COX6C: variants seen among roughly 807,000 people sequenced by gnomAD.
The protein encoded by COX6C is cytochrome c oxidase polypeptide VIc.
In COX6C, 3 loss-of-function variants were observed where a neutral mutation model predicts 6.9. The ratio of observed to expected loss-of-function variants is 0.43; its 90% CI spans 0.20 to 1.12. COX6C has a LOEUF of 1.12. Among genes scored for constraint, COX6C ranks in the 50% most tolerant of loss-of-function variants. The pLI, the probability that COX6C is intolerant of heterozygous loss-of-function variation, is 0.27. For synonymous variants in COX6C, 32 were observed against 32.0 expected, an observed-to-expected ratio of 1.00 and a Z score of 0.00; for missense variants, 101 against 97.3, an observed-to-expected ratio of 1.04 and a Z score of -0.16.
At chr8:99,879,317 TA>T (rs1439092678) in intron 3 of COX6C, among the ~76,000 whole-genome samples, 2 of 152,348 alleles carry the variant, frequency 1.3e-5, no homozygotes, top group East Asian at 3.9e-4. Flanking sequence ...GAAAGACAGC[TA>T]GTCACTCGTG....
intron 3 of COX6C, among the ~76,000 whole-genome samples, chr8:99,880,345 C>G (rs1056940677): frequency 2.6e-5 from 4 of 152,154 alleles, no homozygotes; most frequent in Non-Finnish European, 5.9e-5. Context: ...CTAAAAAATG[C>G]TCAATGAGCT....
intron 3 of COX6C, among the ~76,000 whole-genome samples, chr8:99,881,492 A>G (rs1339234962): frequency 6.6e-6 from 1 of 152,236 alleles, no homozygotes; most frequent in Non-Finnish European, 1.5e-5. Flanking sequence ...ATAATGTGTG[A>G]TATCAGTAAC....
At chr8:99,886,382 C>T (rs1817943208) in intron 3 of COX6C, 1 of 151,568 alleles carries the variant, frequency 6.6e-6, no homozygotes, top group Non-Finnish European at 1.5e-5. Flanking sequence ...AGAGGGAGAC[C>T]CTGTTAAAAA....
At chr8:99,889,286 G>A (rs1817996513) in intron 2 of COX6C, among the ~76,000 whole-genome samples, 1 of 149,658 alleles carries the variant, frequency 6.7e-6, no homozygotes, top group Non-Finnish European at 1.5e-5. Flanking sequence ...TGCTCTCCCA[G>A]TTCTCCCTAA....
At chr8:99,885,615 T>C (rs1418927426) in intron 3 of COX6C, among the ~76,000 whole-genome samples, 1 of 152,168 alleles carries the variant, frequency 6.6e-6, no homozygotes, top group Non-Finnish European at 1.5e-5. Flanking sequence ...AAGAATACAG[T>C]TGGATCTTTA....
chr8:99,887,584 G>C lies in COX6C; in HGVS notation c.149C>G (p.Ala50Gly), dbSNP rs758244203. 6.2e-7 allele frequency: 1 copy of C among 1,607,544 alleles called. No individual in the cohort carries two copies. The highest frequency in any genetic ancestry group is 8.5e-7 in the Non-Finnish European group (1 of 1,178,208). Residue 50 changes from alanine to glycine, a missense_variant, in exon 3 of 4, where the codon GCA becomes GGA. Ala to Gly is a moderately conservative substitution (Grantham distance 60, BLOSUM62 0). Transcript: ENST00000520468. ...RVADQRKKAY[A>G]DFYRNYDVMK... ...GACATCGTAGTTTCTGTAGAAATCT[G>C]CGTATGCCTTCTTTCTTTGATCAGC...
At chr8:99,880,053 T>G (rs1817837793) in intron 3 of COX6C, among the ~76,000 whole-genome samples, 1 of 152,124 alleles carries the variant, frequency 6.6e-6, no homozygotes, top group African/African-American at 2.4e-5. Context: ...AAACTAAAAC[T>G]AATGCATATG....
Position 99,892,006 on chromosome 8 carries a change from A to C in COX6C, c.16T>G (p.Leu6Val). The part of the protein sequence containing the change: MAPEV[L>V]PKPRMRGLLA... ...AGGCCACGCATCCGAGGTTTTGGCA[A>C]AACTTCGGGAGCCATGGTAGTTACT... The change falls in exon 2 of 4, where the codon TTG (leucine) becomes GTG (valine). Residue 6 changes from leucine to valine, a missense_variant. Physicochemically the swap from Leu to Val is conservative, Grantham distance 32. Transcript: ENST00000520468. The C allele has an allele frequency of 6.2e-7, 1 of 1,612,540 alleles. No homozygotes were observed. The highest frequency in any genetic ancestry group is 1.1e-5 in the South Asian group (1 of 90,732).
intron 3 of COX6C, among the ~76,000 whole-genome samples, chr8:99,885,520 C>CA (rs755072050): frequency 3.4e-4 from 51 of 152,166 alleles, no homozygotes; most frequent in Admixed American, 2.0e-3. Context: ...CATTTAGAGT[C>CA]AAATGATTTC....
intron 3 of COX6C, among the ~76,000 whole-genome samples, chr8:99,885,581 G>A (rs1360623285): frequency 1.3e-5 from 2 of 152,090 alleles, no homozygotes; most frequent in East Asian, 3.9e-4. Context: ...AAATGATTTC[G>A]GGAAAACTGG....
intron 3 of COX6C, among the ~76,000 whole-genome samples, chr8:99,886,786 G>C (rs1817948043): frequency 6.6e-6 from 1 of 152,230 alleles, no homozygotes; most frequent in Non-Finnish European, 1.5e-5. Context: ...CTACTTATGA[G>C]ATGCCTGGGG....
chr8:99,881,309 G>A (rs115507488), intron 3 of COX6C, among the ~76,000 whole-genome samples: 2,734 of 151,514 alleles, frequency 0.018, 94 homozygotes, highest in African/African-American at 0.063. Flanking sequence ...GCAGTGAGCC[G>A]AGATTGCATC....
At chr8:99,887,359 T>C (rs1424287419) in intron 3 of COX6C, 131 bp downstream of exon 3, 3 of 486,852 alleles carry the variant, frequency 6.2e-6, no homozygotes, top group African/African-American at 4.1e-5. Flanking sequence ...TTCTACCAAA[T>C]GTGTATCACT....
chr8:99,892,678 T>TTCCC (rs1818073526), intron 1 of COX6C, among the ~76,000 whole-genome samples: 1 of 151,210 alleles, frequency 6.6e-6, no homozygotes, highest in African/African-American at 2.4e-5. Flanking sequence ...TGTTTCATCT[T>TTCCC]CCCCCCGCCC....
intron 3 of COX6C, chr8:99,878,719 C>G (rs1817796180): frequency 6.6e-6 from 1 of 152,020 alleles, no homozygotes; most frequent in Non-Finnish European, 1.5e-5. Flanking sequence ...TTTAAATTAG[C>G]CTATTAACAT....
At chr8:99,890,810 A>C (rs966920453) in intron 2 of COX6C, among the ~76,000 whole-genome samples, 7 of 152,256 alleles carry the variant, frequency 4.6e-5, no homozygotes, top group African/African-American at 1.2e-4. Flanking sequence ...AACAAAATCC[A>C]CATTAGGCAG....
At chr8:99,878,500 C>T (rs1242430783) in intron 3 of COX6C, 1 of 152,170 alleles carries the variant, frequency 6.6e-6, no homozygotes, top group Non-Finnish European at 1.5e-5. Flanking sequence ...GGGCATACCA[C>T]ACCTTACTCT....
intron 1 of COX6C, 67 bp from the exon 2 acceptor site, chr8:99,892,119 C>T (rs748595091): frequency 3.8e-5 from 32 of 834,928 alleles, no homozygotes; most frequent in Non-Finnish European, 5.4e-5. Context: ...AGAATGGCCA[C>T]CTGGAAGCAT....
At chr8:99,888,549 G>C (rs1817981063) in intron 2 of COX6C, among the ~76,000 whole-genome samples, 1 of 152,194 alleles carries the variant, frequency 6.6e-6, no homozygotes, top group Non-Finnish European at 1.5e-5. Context: ...ACTCTAGCCT[G>C]GGTGACAGAG....
Sources: gnomAD v4.1 joint callset for allele counts (sites outside exome capture counted in the v4.1 genomes callset) on GRCh38, gnomAD v4.1.1 for gene constraint, MANE v1.5 for transcripts, NCBI Gene and HGNC (gene_info 2026-07-23, HGNC 2026-07-21) for gene names.